Variants in CFI observed in about 807,000 individuals in gnomAD.
The protein encoded by CFI is complement factor I.
A neutral mutation model predicts 78.8 loss-of-function variants in CFI; 66 were observed. The ratio of observed to expected loss-of-function variants is 0.84; its 90% confidence interval spans 0.69 to 1.03. The LOEUF is 1.03. Among genes scored for constraint, CFI ranks in the 50% least tolerant of loss-of-function variants. The probability of loss-of-function intolerance (pLI) is 0.00; values close to 1 mark genes in which losing one functional copy is unlikely to be tolerated. For synonymous variants in CFI, 250 were observed against 232.6 expected (o/e 1.07, Z -0.68); for missense variants, 706 against 704.5 (o/e 1.00, Z -0.02).
At position 109,764,531 on chromosome 4, in the gene CFI, G is replaced by T. The variant is rs79375065; in HGVS notation, c.482+6C>A. The T allele has an allele frequency of 2.2e-3, 3,605 of 1,613,784 alleles. 83 individuals are homozygous for T. The African/African-American group carries it at 0.043, about 19-fold the overall frequency. On this transcript the variant is annotated splice_donor_region_variant and intron_variant, in intron 3 of 12. Transcript: ENST00000394634. ...CATGAGAAAATCCACTGATACAAGC[G>T]CTCACTGTTGAAACCCAAGGTCAAG...
chr4:109,739,487 T>C (rs1018661810), downstream of CFI, among the ~76,000 whole-genome samples: 1 of 150,880 alleles, frequency 6.6e-6, no homozygotes, highest in African/African-American at 2.5e-5. Context: ...GAGATTAAAG[T>C]AGGTGGTGTG....
intron 1 of CFI, among the ~76,000 whole-genome samples, chr4:109,782,697 C>T (rs1730213801): frequency 6.6e-6 from 1 of 151,604 alleles, no homozygotes; most frequent in Non-Finnish European, 1.5e-5. Context: ...CATATGGAAC[C>T]AAAAAAAGAG....
At chr4:109,732,131 C>T in the CFI span, among the ~76,000 whole-genome samples, 1 of 152,218 alleles carries the variant, frequency 6.6e-6, no homozygotes, top group South Asian at 2.1e-4. Flanking sequence ...CTCTCCTTTC[C>T]CCCACTTTCT....
the CFI span, among the ~76,000 whole-genome samples, chr4:109,734,671 G>A: frequency 7.9e-5 from 12 of 152,140 alleles, no homozygotes; most frequent in Non-Finnish European, 8.8e-5. Flanking sequence ...GGGCGTGGTG[G>A]CAGGTGCCTG....
At chr4:109,737,578 C>T (rs1364375834), downstream of CFI, among the ~76,000 whole-genome samples, 2 of 152,112 alleles carry the variant, frequency 1.3e-5, no homozygotes, top group East Asian at 3.9e-4. Flanking sequence ...GAGTTGTGTC[C>T]CTGGCCACCT....
At position 109,784,472 on chromosome 4, in the gene CFI, A is replaced by G. The variant is rs115641098; in HGVS notation, c.57+17443T>C. ...GCGCTTGATTAAGGAATTTTATGTG[A>G]TCTAGTTTTAGCTAAATTAATCCTC... On this transcript the variant is annotated intron_variant, in intron 1 of 12. Transcript: ENST00000394634. Among the ~76,000 whole-genome samples the G allele has an allele frequency of 5.3e-3, 811 of 152,164 alleles. 7 individuals carry two copies. Among genetic ancestry groups the G allele is most frequent in the African/African-American group, 0.019 (777 of 41,534 alleles).
intron 1 of CFI, among the ~76,000 whole-genome samples, chr4:109,795,263 TA>T (rs1313045148): frequency 6.6e-6 from 1 of 152,052 alleles, no homozygotes; most frequent in Non-Finnish European, 1.5e-5. Flanking sequence ...AGCCCACTGG[TA>T]GACCCAGGCA....
At chr4:109,752,656 C>A in intron 7 of CFI, 153 bp from the exon 8 acceptor site, 2 of 668,346 alleles carry the variant, frequency 3.0e-6, no homozygotes, top group South Asian at 3.7e-5. Context: ...GGCATGTCAT[C>A]TTATTTCCTT....
intron 1 of CFI, among the ~76,000 whole-genome samples, chr4:109,771,948 G>A (rs572712544): frequency 1.3e-5 from 2 of 152,106 alleles, no homozygotes; most frequent in South Asian, 4.1e-4. Flanking sequence ...TTGAAACAAG[G>A]TTGAGGAGGG....
intron 7 of CFI, among the ~76,000 whole-genome samples, chr4:109,757,179 C>A (rs955592826): frequency 6.6e-6 from 1 of 151,688 alleles, no homozygotes; most frequent in Non-Finnish European, 1.5e-5. Context: ...TAGGCTCCCG[C>A]CACCACGCCA....
At position 109,761,672 on chromosome 4, in the gene CFI, C is replaced by G; in HGVS notation, c.503G>C (p.Arg168Thr). The change falls in exon 4 of 13, where the codon AGG becomes ACG. Residue 168 changes from arginine to threonine, a missense_variant. By Grantham distance (71) the Arg-to-Thr change is moderately conservative. Transcript: ENST00000394634. ...TATAGAGAGATCAGACAACTTAAAC[C>G]TTCTTTGAGTATCAGCACCTCTGCA... is the stretch of plus-strand genomic sequence containing the variant. ...GFQQGADTQR[R>T]FKLSDLSINS... The G allele has an allele frequency of 6.2e-7, 1 of 1,612,572 alleles. No homozygotes were observed. The highest frequency in any genetic ancestry group is 1.1e-5 in the South Asian group (1 of 91,052).
chr4:109,763,220 G>T (rs114761222), intron 3 of CFI, among the ~76,000 whole-genome samples: 3,128 of 152,090 alleles, frequency 0.021, 123 homozygotes, highest in African/African-American at 0.071. Context: ...AAATAAGGTG[G>T]AACTAAATAT....
chr4:109,765,894 G>A (rs1727679230), intron 2 of CFI, among the ~76,000 whole-genome samples: 1 of 152,086 alleles, frequency 6.6e-6, no homozygotes, highest in African/African-American at 2.4e-5. Flanking sequence ...CGAGGCGGGC[G>A]GATCACAAGG....
chr4:109,759,720 C>A (rs1356650127), intron 6 of CFI, among the ~76,000 whole-genome samples: 1 of 151,992 alleles, frequency 6.6e-6, no homozygotes, highest in African/African-American at 2.4e-5. Flanking sequence ...CATGGTGAAA[C>A]CCTGTCTCTA....
chr4:109,794,896 A>C (rs28879996), intron 1 of CFI, among the ~76,000 whole-genome samples: 27,727 of 151,992 alleles, frequency 0.18, 4,854 homozygotes, highest in African/African-American at 0.44. Flanking sequence ...AGCGTGTGAC[A>C]TTGGCAAGAT....
intron 3 of CFI, among the ~76,000 whole-genome samples, chr4:109,764,201 A>G (rs928537209): frequency 6.6e-6 from 1 of 151,854 alleles, no homozygotes; most frequent in Admixed American, 6.6e-5. Context: ...CTATACTCAC[A>G]CACAGTATAT....
At chr4:109,798,199 T>C (rs1281791177) in intron 1 of CFI, among the ~76,000 whole-genome samples, 1 of 152,072 alleles carries the variant, frequency 6.6e-6, no homozygotes, top group Non-Finnish European at 1.5e-5. Flanking sequence ...AACAGGGAAG[T>C]GTTAGTCAAA....
At chr4:109,742,651 A>G in intron 11 of CFI, 56 bp from the exon 12 acceptor site, 1 of 1,060,504 alleles carries the variant, frequency 9.4e-7, no homozygotes, top group Non-Finnish European at 1.5e-6. Context: ...ATCTAAATAC[A>G]TACTCTCATA....
At chr4:109,766,512 C>T (rs1333580775) in intron 2 of CFI, 42 bp downstream of exon 2, 7 of 1,604,086 alleles carry the variant, frequency 4.4e-6, no homozygotes, top group South Asian at 1.1e-5. Context: ...TACAAATACC[C>T]TTTTATATCA....
Sources: gnomAD v4.1 joint callset for allele counts (sites outside exome capture counted in the v4.1 genomes callset) on GRCh38, gnomAD v4.1.1 for gene constraint, MANE v1.5 for transcripts, NCBI Gene and HGNC (gene_info 2026-07-23, HGNC 2026-07-21) for gene names.